Variants in REELD1 observed in about 807,000 individuals in gnomAD.
REELD1 encodes the protein reeler domain containing 1.
Under a neutral mutation model 6.3 loss-of-function variants are expected in REELD1, and 12 were observed. The ratio of observed to expected loss-of-function variants is 1.89; its 90% confidence interval spans 1.21 to 3.07. REELD1 has a LOEUF of 3.07. Among genes scored for constraint, REELD1 ranks in the 30% most tolerant of loss-of-function variants. The pLI, the probability that REELD1 is intolerant of heterozygous loss-of-function variation, is 0.00. For missense variants in REELD1, 163 were observed against 86.8 expected, an observed-to-expected ratio of 1.88 and a Z score of -3.49; for synonymous variants, 57 against 33.6, an observed-to-expected ratio of 1.70 and a Z score of -2.42.
chr4:146,224,681 G>C, intron 5 of REELD1, 73 bp downstream of exon 5: 1 of 675,666 alleles, frequency 1.5e-6, no homozygotes, highest in South Asian at 1.6e-5. Context: ...TCACTTAAAA[G>C]TTACTACTGC....
Position 146,228,307 on chromosome 4 carries a change from T to C in REELD1, c.693T>C (p.Pro231=). The C allele has an allele frequency of 1.4e-6, 1 of 702,564 alleles. No individual in the cohort carries two copies. The highest frequency in any genetic ancestry group is 1.5e-5 in the South Asian group (1 of 67,594). 43.5% of individuals were successfully genotyped at this position (702,564 alleles called of 1,614,324 possible). A position where few individuals can be genotyped will look rare whatever the true frequency, so the allele number is the denominator to read the frequency against. The change falls in exon 6 of 8, where the codon CCT becomes CCC. Residue 231 remains proline, a synonymous_variant. Transcript: ENST00000623665. ...AAEEDNLDPV[P]ASIWVTKFPG... is the part of the protein sequence containing the mutation. ...AGGAGGACAACCTAGATCCTGTTCC[T>C]GCCAGTATTTGGGTGACAAAGTTTC... is the stretch of plus-strand genomic sequence containing the variant.
chr4:146,218,976 C>T (rs1730874193), intron 3 of REELD1, among the ~76,000 whole-genome samples: 1 of 151,918 alleles, frequency 6.6e-6, no homozygotes, highest in South Asian at 2.1e-4. Context: ...TGGCAAAACC[C>T]TGTCCCTACA....
At chr4:146,218,669 C>G (rs1018123932) in intron 3 of REELD1, among the ~76,000 whole-genome samples, 3 of 152,184 alleles carry the variant, frequency 2.0e-5, no homozygotes, top group Non-Finnish European at 4.4e-5. Flanking sequence ...TTTGTCACAT[C>G]ATGACACAGA....
rs1429116963 is a variant in REELD1, at chr4:146,229,074, G to A, written c.958G>A (p.Asp320Asn). Residue 320 changes from aspartate (D) to asparagine (N), a missense_variant, in exon 7 of 8, where the codon GAT (aspartate) becomes AAT (asparagine). By Grantham distance (23) the Asp-to-Asn change is conservative. Transcript: ENST00000623665. Reference sequence around the variant, plus strand: ...TTCACTGGAAACTTGCCTGTCCTCAGATGGGGGTGAACAGGTAAGAACCTG... The same window carrying A: ...TTCACTGGAAACTTGCCTGTCCTCAAATGGGGGTGAACAGGTAAGAACCTG... ...FDSLETCLSS[D>N]GGEQDKTKAS... 4.3e-6 allele frequency: 3 copies of A among 702,278 alleles called. No homozygotes were observed. Among genetic ancestry groups the A allele is most frequent in the Non-Finnish European group, 7.8e-6 (3 of 384,922 alleles). 43.5% of individuals were successfully genotyped at this position (702,278 alleles called of 1,614,324 possible). A position where few individuals can be genotyped will look rare whatever the true frequency, so the allele number is the denominator to read the frequency against.
intron 5 of REELD1, among the ~76,000 whole-genome samples, chr4:146,225,443 C>T (rs1009058398): frequency 1.6e-4 from 25 of 152,174 alleles, no homozygotes. Context: ...ATCCCTGCCT[C>T]TTCTCAGTCT....
chr4:146,225,592 C>T (rs1013779049), intron 5 of REELD1, among the ~76,000 whole-genome samples: 5 of 152,110 alleles, frequency 3.3e-5, no homozygotes, highest in Non-Finnish European at 7.3e-5. Context: ...GTAAAGATCT[C>T]GGAGCCTGAG....
At chr4:146,222,331 A>G (rs1232788101) in intron 3 of REELD1, 26 bp from the exon 4 acceptor site, 5 of 398,494 alleles carry the variant, frequency 1.3e-5, no homozygotes, top group South Asian at 1.3e-4. Context: ...ACACGTGTTC[A>G]TGTTGAACGG....
At chr4:146,223,413 C>G (rs994241286) in intron 4 of REELD1, among the ~76,000 whole-genome samples, 51 of 152,186 alleles carry the variant, frequency 3.4e-4, no homozygotes, top group African/African-American at 1.2e-3. Context: ...AAGGGAAACA[C>G]GTGCCTTAGG....
chr4:146,231,128 A>G lies in REELD1; in HGVS notation c.*615A>G, dbSNP rs1731124640. On this transcript the variant is annotated 3_prime_UTR_variant, in exon 8 of 8. Transcript: ENST00000623665. ...ATGGAAATTGATCCAAAGTCAGGAAAGTTTTTGAGAGCTTGATTGAACACA... is the reference window on the plus strand; with the variant it reads ...ATGGAAATTGATCCAAAGTCAGGAAGGTTTTTGAGAGCTTGATTGAACACA... Among the ~76,000 whole-genome samples the G allele has an allele frequency of 6.6e-6, 1 of 152,242 alleles. No homozygotes were observed. Among genetic ancestry groups the G allele is most frequent in the South Asian group, 2.1e-4 (1 of 4,838 alleles).
chr4:146,230,544 C>T lies in REELD1; in HGVS notation c.*31C>T, dbSNP rs1029879230. On this transcript the variant is annotated 3_prime_UTR_variant, in exon 8 of 8. Transcript: ENST00000623665. ...CTGTCACCCCAGACCTCTCAGTGGC[C>T]CTCCTTGGGCCCTGGAGAGTGTCCC... The T allele has an allele frequency of 1.0e-5, 4 of 398,364 alleles. No homozygotes were observed. Among genetic ancestry groups the T allele is most frequent in the South Asian group, 1.3e-4 (1 of 7,716 alleles). The allele number at this position is 398,364 out of a possible 1,614,324, so 24.7% of individuals were successfully genotyped here. A position where few individuals can be genotyped will look rare whatever the true frequency, so the allele number is the denominator to read the frequency against.
chr4:146,220,448 A>G (rs557458358), intron 3 of REELD1, among the ~76,000 whole-genome samples: 2 of 152,142 alleles, frequency 1.3e-5, no homozygotes, highest in Admixed American at 6.5e-5. Flanking sequence ...ACTGATTAAC[A>G]GAAACTTAAT....
intron 4 of REELD1, 31 bp from the exon 5 acceptor site, chr4:146,224,414 G>A (rs748070518): frequency 1.5e-5 from 8 of 550,536 alleles, no homozygotes; most frequent in Admixed American, 3.2e-5. Context: ...AACTAAATCC[G>A]TGAACTGCTC....
chr4:146,223,120 A>G lies in REELD1; in HGVS notation c.431+541A>G, dbSNP rs538682609. ...ACTTTAAAAGCATCATTAGTACTCA[A>G]AATGAGGTACTTGTTTTGTCATTCT... On this transcript the variant is annotated intron_variant, in intron 4 of 7. Transcript: ENST00000623665. Among the ~76,000 whole-genome samples the G allele has an allele frequency of 4.8e-4, 73 of 152,344 alleles. 1 individual carries two copies. Among genetic ancestry groups the G allele is most frequent in the South Asian group, 1.7e-3 (8 of 4,830 alleles).
rs542274527 is a variant in REELD1 at position 146,229,350 on chromosome 4, T to C, written c.972+262T>C. 7.2e-5 allele frequency among the ~76,000 whole-genome samples: 11 copies of C among 152,316 alleles called. No individual in the cohort carries two copies. The East Asian group carries it at 1.7e-3, about 24-fold the overall frequency. ...GCCACAGTTAATAATTACTCTCTTC[T>C]CTCCTCCTCTATCCCTCCTTCATAA... On this transcript the variant is annotated intron_variant, in intron 7 of 7. Transcript: ENST00000623665.
chr4:146,226,150 G>A (rs1235112870), intron 5 of REELD1, among the ~76,000 whole-genome samples: 3 of 152,060 alleles, frequency 2.0e-5, no homozygotes, highest in South Asian at 4.1e-4. Context: ...TTCAAAATTG[G>A]GAAATTAGTA....
In REELD1 at chr4:146,222,405, G is replaced by A. The variant is rs1160723162; in HGVS notation, c.257G>A (p.Arg86Gln). Residue 86 changes from arginine to glutamine, a missense_variant, in exon 4 of 8, where the codon CGA becomes CAA. Transcript: ENST00000623665. ...TTCATGGGATTTCTCCTTCAGGCTC[G>A]AAGAGTGTCCGATCATCAAATCGCT... Reference protein sequence around the residue: ...RDFMGFLLQARRVSDHQIAGT... With the variant: ...RDFMGFLLQAQRVSDHQIAGT... 2.5e-6 allele frequency: 1 copy of A among 398,602 alleles called. No individual in the cohort carries two copies. Among genetic ancestry groups the A allele is most frequent in the Non-Finnish European group, 4.4e-6 (1 of 226,064 alleles). The allele number at this position is 398,602 out of a possible 1,614,324, so 24.7% of individuals were successfully genotyped here.
At chr4:146,227,018 T>G (rs569672787) in intron 5 of REELD1, among the ~76,000 whole-genome samples, 1 of 152,340 alleles carries the variant, frequency 6.6e-6, no homozygotes, top group Non-Finnish European at 1.5e-5. Flanking sequence ...GGTGATCTAC[T>G]TGCCTTGGCT....
At chr4:146,227,064 G>A (rs747455992) in intron 5 of REELD1, among the ~76,000 whole-genome samples, 44 of 152,194 alleles carry the variant, frequency 2.9e-4, no homozygotes, top group Non-Finnish European at 5.7e-4. Context: ...CGAGCGCCCG[G>A]CCTCTTTATT....
intron 5 of REELD1, among the ~76,000 whole-genome samples, chr4:146,225,687 T>C (rs1215607869): frequency 6.6e-6 from 1 of 152,230 alleles, no homozygotes; most frequent in Non-Finnish European, 1.5e-5. Context: ...GTATCATGTT[T>C]TAATCCCAAG....
Sources: gnomAD v4.1 joint callset for allele counts (sites outside exome capture counted in the v4.1 genomes callset) on GRCh38, gnomAD v4.1.1 for gene constraint, MANE v1.5 for transcripts, NCBI Gene and HGNC (gene_info 2026-07-23, HGNC 2026-07-21) for gene names.